Variants in DEGS2 observed in about 807,000 individuals in gnomAD.
The protein encoded by DEGS2 is sphingolipid delta(4)-desaturase/C4-monooxygenase DES2.
DEGS2 carries 19 observed loss-of-function variants against 23.8 expected under a neutral mutation model. The ratio of observed to expected loss-of-function variants is 0.80; its 90% CI spans 0.56 to 1.17. The LOEUF (loss-of-function observed/expected upper bound fraction) is 1.17, where lower values mean the gene tolerates loss of function less well. DEGS2 is among the 50% of genes most tolerant of loss of function. The probability of loss-of-function intolerance (pLI) is 0.00; values close to 1 mark genes in which losing one functional copy is unlikely to be tolerated. For synonymous variants in DEGS2, 218 were observed against 213.7 expected, an observed-to-expected ratio of 1.02 and a Z score of -0.18; for missense variants, 390 against 459.5, an observed-to-expected ratio of 0.85 and a Z score of 1.38.
chr14:100,162,038 C>T (rs571999946), upstream of DEGS2, among the ~76,000 whole-genome samples: 6 of 147,354 alleles, frequency 4.1e-5, no homozygotes, highest in African/African-American at 1.5e-4. Flanking sequence ...GGCGACAGAG[C>T]GAGACTGCAT....
chr14:100,146,948 G>C, intron 2 of DEGS2, 41 bp from the exon 3 acceptor site: 4 of 1,592,750 alleles, frequency 2.5e-6, no homozygotes, highest in Non-Finnish European at 3.4e-6. Flanking sequence ...GGTTCTCCTC[G>C]GGGCCGCACC....
At chr14:100,164,948 C>T in the DEGS2 span, among the ~76,000 whole-genome samples, 4 of 152,268 alleles carry the variant, frequency 2.6e-5, no homozygotes, top group South Asian at 2.1e-4. Flanking sequence ...ATGGATAAGC[C>T]GCTTATGCTA....
chr14:100,150,385 A>AAC (rs1889548936), intron 1 of DEGS2, among the ~76,000 whole-genome samples: 8 of 76,542 alleles, frequency 1.0e-4, no homozygotes, highest in Non-Finnish European at 1.7e-4. Flanking sequence ...TCCCACCCCA[A>AAC]CACCCCCCCC....
intron 1 of DEGS2, among the ~76,000 whole-genome samples, chr14:100,155,042 T>A (rs1394648295): frequency 2.6e-5 from 4 of 152,124 alleles, no homozygotes; most frequent in Non-Finnish European, 5.9e-5. Context: ...ACCTGCTGTA[T>A]CACCTTCCCA....
intron 1 of DEGS2, among the ~76,000 whole-genome samples, chr14:100,151,753 C>G (rs1415295855): frequency 1.3e-5 from 2 of 152,348 alleles, no homozygotes; most frequent in East Asian, 1.9e-4. Flanking sequence ...AACACCCCAG[C>G]CTCCAGTGGG....
chr14:100,156,276 C>T (rs573096484), intron 1 of DEGS2, among the ~76,000 whole-genome samples: 66 of 152,360 alleles, frequency 4.3e-4, no homozygotes, highest in African/African-American at 1.5e-3. Context: ...CAGCCTCACT[C>T]CTGCCTCTTC....
At chr14:100,166,850 G>A in the DEGS2 span, among the ~76,000 whole-genome samples, 40 of 152,312 alleles carry the variant, frequency 2.6e-4, 1 homozygote, top group East Asian at 3.7e-3. Context: ...AAGTCCGGGC[G>A]CCGTGGCTCA....
At chr14:100,160,690 C>T (rs1274262415), upstream of DEGS2, among the ~76,000 whole-genome samples, 4 of 152,192 alleles carry the variant, frequency 2.6e-5, no homozygotes, top group South Asian at 2.1e-4. Flanking sequence ...ATAGTGAGGG[C>T]GTGCTTCTGT....
chr14:100,152,527 G>C (rs1386845271), intron 1 of DEGS2, among the ~76,000 whole-genome samples: 1 of 152,156 alleles, frequency 6.6e-6, no homozygotes, highest in Non-Finnish European at 1.5e-5. Context: ...GCAGAGACAA[G>C]GGTCTCCCTC....
upstream of DEGS2, among the ~76,000 whole-genome samples, chr14:100,162,303 G>A (rs140472045): frequency 0.062 from 9,396 of 151,722 alleles, 618 homozygotes; most frequent in African/African-American, 0.16. Flanking sequence ...CCGAGTTTGC[G>A]CCACTGCACT....
rs1163359219 is a variant in DEGS2, at chr14:100,145,659, A to G, written c.*1102T>C. The G allele has an allele frequency of 6.7e-6, 1 of 150,084 alleles. No homozygotes were observed. The highest frequency in any genetic ancestry group is 6.6e-5 in the Admixed American group (1 of 15,168). The allele number at this position is 150,084 out of a possible 1,614,324, so 9.3% of individuals were successfully genotyped here. ...TGCTGGATTGCAGTGGGCCCGCTCC[A>G]TCCCTCTCTGGCAGGGAGGGCCTCC... On this transcript the variant is annotated 3_prime_UTR_variant, in exon 3 of 3. Coordinates refer to ENST00000305631, the MANE Select transcript of DEGS2 (RefSeq NM_206918.3).
At chr14:100,164,592 G>A (rs567505382), upstream of DEGS2, among the ~76,000 whole-genome samples, 71 of 152,254 alleles carry the variant, frequency 4.7e-4, no homozygotes, top group Non-Finnish European at 8.8e-4. Flanking sequence ...AGCCAAGATC[G>A]TGCCACTGCA....
the DEGS2 span, among the ~76,000 whole-genome samples, chr14:100,164,955 G>A: frequency 6.6e-6 from 1 of 152,204 alleles, no homozygotes; most frequent in African/African-American, 2.4e-5. Flanking sequence ...AGCCGCTTAT[G>A]CTATCTCCTT....
upstream of DEGS2, among the ~76,000 whole-genome samples, chr14:100,164,090 C>G (rs1399685069): frequency 1.3e-5 from 2 of 151,942 alleles, no homozygotes; most frequent in Non-Finnish European, 2.9e-5. Context: ...GTGGCTCGCG[C>G]CTGTGGTCCC....
chr14:100,152,550 C>A (rs1250034630), intron 1 of DEGS2, among the ~76,000 whole-genome samples: 1 of 152,194 alleles, frequency 6.6e-6, no homozygotes, highest in Non-Finnish European at 1.5e-5. Flanking sequence ...GTCTTTCCCT[C>A]CCTCTCTCCT....
chr14:100,149,856 G>C lies in DEGS2; in HGVS notation c.83-146C>G, dbSNP rs901847727. 5 of 853,138 alleles carry C rather than the reference G, an allele frequency of 5.9e-6. No homozygotes were observed. In the African/African-American group the frequency reaches 8.6e-5, roughly 15 times the overall value. 52.8% of individuals were successfully genotyped at this position (853,138 alleles called of 1,614,324 possible). On this transcript the variant is annotated intron_variant, in intron 1 of 2. Transcript: ENST00000305631. ...CCCTTTGCCCCTGCACACAGGCCCT[G>C]TCCCTCGAGGGCCCGCTGGCCCCCA...
intron 1 of DEGS2, among the ~76,000 whole-genome samples, chr14:100,157,511 G>A (rs1342716573): frequency 6.6e-6 from 1 of 152,224 alleles, no homozygotes; most frequent in African/African-American, 2.4e-5. Flanking sequence ...GATGAGCAGG[G>A]AGGGAGGGTC....
At chr14:100,158,417 C>T (rs1202098093) in intron 1 of DEGS2, among the ~76,000 whole-genome samples, 1 of 151,900 alleles carries the variant, frequency 6.6e-6, no homozygotes, top group Admixed American at 6.6e-5. Context: ...CAAAAATTAG[C>T]CGGGTGTGGT....
rs150035208 is a variant in DEGS2 at position 100,147,057 on chromosome 14, A to G, written c.826-150T>C. 1,286 of 856,020 alleles carry G rather than the reference A, an allele frequency of 1.5e-3. 13 individuals are homozygous for G. The highest frequency in any genetic ancestry group is 0.013 in the African/African-American group (774 of 57,910). 53.0% of individuals were successfully genotyped at this position (856,020 alleles called of 1,614,324 possible). Reference sequence around the variant, plus strand: ...CGCGCGCGCACACCCACACACACACATGGGTGTACATAATGCAAACACACC... The same window carrying G: ...CGCGCGCGCACACCCACACACACACGTGGGTGTACATAATGCAAACACACC... On this transcript the variant is annotated intron_variant, in intron 2 of 2. Transcript: ENST00000305631.
Sources: gnomAD v4.1 joint callset for allele counts (sites outside exome capture counted in the v4.1 genomes callset) on GRCh38, gnomAD v4.1.1 for gene constraint, MANE v1.5 for transcripts, NCBI Gene and HGNC (gene_info 2026-07-23, HGNC 2026-07-21) for gene names.